Variants in GPD2 observed in about 807,000 individuals in gnomAD.
GPD2 encodes glycerol-3-phosphate dehydrogenase 2, also known as glycerol-3-phosphate dehydrogenase, mitochondrial.
GPD2 carries 54 observed loss-of-function variants against 82.4 expected under a neutral mutation model. The ratio of observed to expected loss-of-function variants is 0.66; its 90% CI spans 0.53 to 0.82. The LOEUF is 0.82. Among genes scored for constraint, GPD2 ranks in the 40% least tolerant of loss-of-function variants. The pLI is 0.00. For synonymous variants in GPD2, 288 were observed against 306.1 expected, an observed-to-expected ratio of 0.94 and a Z score of 0.62; for missense variants, 748 against 896.2, an observed-to-expected ratio of 0.83 and a Z score of 2.11.
At chr2:156,454,770 TG>T (rs1258972408) in intron 1 of GPD2, among the ~76,000 whole-genome samples, 1 of 151,918 alleles carries the variant, frequency 6.6e-6, no homozygotes, top group African/African-American at 2.4e-5. Context: ...AAGAGGGCTG[TG>T]GAGCATGCTA....
At chr2:156,564,243 A>G (rs562739359) in intron 9 of GPD2, among the ~76,000 whole-genome samples, 2 of 152,286 alleles carry the variant, frequency 1.3e-5, no homozygotes, top group East Asian at 1.9e-4. Flanking sequence ...TCACTCTGCC[A>G]TCCTCCAAGG....
At chr2:156,474,281 A>G (rs1204485295) in intron 1 of GPD2, among the ~76,000 whole-genome samples, 1 of 152,254 alleles carries the variant, frequency 6.6e-6, no homozygotes, top group Non-Finnish European at 1.5e-5. Flanking sequence ...CTATAGGATC[A>G]TAGTTATCAA....
intron 2 of GPD2, among the ~76,000 whole-genome samples, chr2:156,477,372 T>C (rs1402302090): frequency 6.6e-6 from 1 of 152,098 alleles, no homozygotes; most frequent in African/African-American, 2.4e-5. Context: ...GTGGAGGCTG[T>C]AGTGAGCTGA....
intron 9 of GPD2, among the ~76,000 whole-genome samples, chr2:156,566,621 G>A (rs1687401018): frequency 6.6e-6 from 1 of 152,090 alleles, no homozygotes; most frequent in East Asian, 1.9e-4. Context: ...ATCTGTTGAT[G>A]GACACTTGGT....
the GPD2 span, among the ~76,000 whole-genome samples, chr2:156,421,734 T>C: frequency 6.6e-6 from 1 of 152,352 alleles, no homozygotes; most frequent in African/African-American, 2.4e-5. Flanking sequence ...CTGTTGATGT[T>C]TTCCCCTCAC....
intron 6 of GPD2, among the ~76,000 whole-genome samples, chr2:156,535,584 G>A (rs899140157): frequency 7.9e-5 from 12 of 151,322 alleles, no homozygotes; most frequent in Admixed American, 4.6e-4. Context: ...TTTTTGTTTT[G>A]TTTTGTTAGT....
At chr2:156,554,034 G>C (rs1573995087) in intron 8 of GPD2, among the ~76,000 whole-genome samples, 1 of 152,184 alleles carries the variant, frequency 6.6e-6, no homozygotes. Context: ...CTGCAGCCTA[G>C]TTCCCATTCA....
the GPD2 span, among the ~76,000 whole-genome samples, chr2:156,423,828 C>A: frequency 1.3e-5 from 2 of 152,062 alleles, no homozygotes; most frequent in East Asian, 1.9e-4. Context: ...CAAGGCAGAG[C>A]CGATCTCCAC....
At chr2:156,433,696 G>A (rs1246143736), upstream of GPD2, among the ~76,000 whole-genome samples, 2 of 152,192 alleles carry the variant, frequency 1.3e-5, no homozygotes, top group Non-Finnish European at 2.9e-5. Context: ...CCCCTTGGGC[G>A]GTTACACTAG....
intron 8 of GPD2, among the ~76,000 whole-genome samples, chr2:156,557,109 G>A (rs1686991555): frequency 6.6e-6 from 1 of 152,180 alleles, no homozygotes; most frequent in Admixed American, 6.5e-5. Context: ...GGAAGTTGAA[G>A]CCCACTTTCT....
intron 3 of GPD2, among the ~76,000 whole-genome samples, chr2:156,499,028 T>C (rs1434948092): frequency 2.0e-5 from 3 of 152,090 alleles, no homozygotes; most frequent in Non-Finnish European, 4.4e-5. Flanking sequence ...AGATGTATCT[T>C]GGTTTTAGCA....
intron 1 of GPD2, among the ~76,000 whole-genome samples, chr2:156,464,321 T>G (rs879506140): frequency 3.9e-5 from 6 of 152,352 alleles, no homozygotes; most frequent in Middle Eastern, 3.4e-3. Context: ...AATACATGAT[T>G]ATTTTCACTA....
chr2:156,402,143 A>G, the GPD2 span, among the ~76,000 whole-genome samples: 1 of 152,244 alleles, frequency 6.6e-6, no homozygotes, highest in Non-Finnish European at 1.5e-5. Flanking sequence ...ACACAATATT[A>G]TGTTCAGTGT....
intron 6 of GPD2, among the ~76,000 whole-genome samples, chr2:156,529,582 T>G (rs145571100): frequency 0.02 from 3,051 of 152,224 alleles, 59 homozygotes; most frequent in African/African-American, 0.05. Context: ...TTCTAACGTT[T>G]AAGTCTTTAA....
At chr2:156,403,328 C>T in the GPD2 span, among the ~76,000 whole-genome samples, 10 of 152,132 alleles carry the variant, frequency 6.6e-5, 1 homozygote. Flanking sequence ...CACTGAATCC[C>T]TGCCAATGAG....
At position 156,510,853 on chromosome 2, in the gene GPD2, G is replaced by A; in HGVS notation, c.332G>A (p.Ser111Asn). Reference protein sequence around the residue: ...DDFSSGTSSRSTKLIHGGVRY... With the variant: ...DDFSSGTSSRNTKLIHGGVRY... Reference sequence around the variant, plus strand: ...TTCTCATCAGGGACCAGCAGCAGAAGCACTAAATTGATCCATGGTGGTGTG... The same window carrying A: ...TTCTCATCAGGGACCAGCAGCAGAAACACTAAATTGATCCATGGTGGTGTG... Residue 111 changes from serine (S) to asparagine (N), a missense_variant, in exon 4 of 17, where the codon AGC (serine) becomes AAC (asparagine). By Grantham distance (46) the Ser-to-Asn change is conservative. Around this residue, in one of 3 missense-constraint regions of GPD2, gnomAD observed 692 missense variants for 809.7 expected, o/e 0.85. Coordinates refer to ENST00000438166, the MANE Select transcript of GPD2 (RefSeq NM_000408.5). 1 of 1,612,250 alleles carries A rather than the reference G, an allele frequency of 6.2e-7. No individual in the cohort carries two copies.
intron 3 of GPD2, among the ~76,000 whole-genome samples, chr2:156,497,596 T>G (rs528201672): frequency 6.6e-6 from 1 of 152,288 alleles, no homozygotes; most frequent in South Asian, 2.1e-4. Context: ...AGTTACTTTA[T>G]GTACCTGGCA....
chr2:156,453,354 G>T (rs1179218818), intron 1 of GPD2, among the ~76,000 whole-genome samples: 2 of 152,278 alleles, frequency 1.3e-5, no homozygotes, highest in East Asian at 3.9e-4. Flanking sequence ...CAAATAGTAG[G>T]GTCAATGGAC....
intron 9 of GPD2, among the ~76,000 whole-genome samples, chr2:156,560,302 GT>G (rs1027275149): frequency 1.1e-4 from 2 of 18,064 alleles, no homozygotes; most frequent in African/African-American, 2.4e-4. Flanking sequence ...GGCATACCTG[GT>G]TGGTCCATAA....
Sources: gnomAD v4.1 joint callset for allele counts (sites outside exome capture counted in the v4.1 genomes callset) on GRCh38, gnomAD v4.1.1 for gene constraint, gnomAD v4.1.1 regional missense constraint, MANE v1.5 for transcripts, NCBI Gene and HGNC (gene_info 2026-07-23, HGNC 2026-07-21) for gene names.